Variants in TPO observed in about 807,000 individuals in gnomAD.
The protein encoded by TPO is thyroid microsomal antigen.
A neutral mutation model predicts 96.9 loss-of-function variants in TPO; 78 were observed. That is an observed-to-expected ratio of 0.81 (90% CI 0.67 to 0.97). TPO has a LOEUF of 0.97. Among genes scored for constraint, TPO ranks in the 50% least tolerant of loss-of-function variants. TPO has a pLI of 0.00. For missense variants in TPO, 1,252 were observed against 1,274.8 expected, an observed-to-expected ratio of 0.98 and a Z score of 0.27; for synonymous variants, 547 against 538.0, an observed-to-expected ratio of 1.02 and a Z score of -0.23.
chr2:1,391,707 G>A (rs1662002929), intron 1 of TPO, among the ~76,000 whole-genome samples: 2 of 152,128 alleles, frequency 1.3e-5, no homozygotes, highest in African/African-American at 2.4e-5. Flanking sequence ...GTAGTTTGTA[G>A]TTCTCCTTGA....
At chr2:1,508,097 GT>G (rs1244634130) in intron 14 of TPO, among the ~76,000 whole-genome samples, 229 of 152,082 alleles carry the variant, frequency 1.5e-3, no homozygotes, top group African/African-American at 5.3e-3. Context: ...AGCATGAAGG[GT>G]TGTTGAATTT....
rs1375748914 is a variant in TPO at position 1,385,628 on chromosome 2, C to G, written n.180+11226C>G. 2.0e-5 allele frequency among the ~76,000 whole-genome samples: 3 copies of G among 151,522 alleles called. No individual in the cohort carries two copies. In the East Asian group the frequency reaches 5.8e-4, roughly 30 times the overall value. On this transcript the variant is annotated intron_variant and non_coding_transcript_variant, in intron 1 of 5. Transcript: ENST00000497517. ...CTTCTTTATTAGTCTTGCTAGCGGT[C>G]TATCAATTTTGTTGATCTTTTCAAA...
intron 10 of TPO, among the ~76,000 whole-genome samples, chr2:1,489,989 C>T (rs1173748988): frequency 8.5e-6 from 1 of 118,296 alleles, no homozygotes; most frequent in Non-Finnish European, 1.9e-5. Flanking sequence ...CAGGGGGAGT[C>T]ACGACACAGC....
At chr2:1,472,789 C>G (rs1445622508) in intron 7 of TPO, among the ~76,000 whole-genome samples, 1 of 100,408 alleles carries the variant, frequency 1.0e-5, no homozygotes, top group Non-Finnish European at 1.9e-5. Flanking sequence ...CTGGCAACAG[C>G]CTTGTTTTTT....
intron 1 of TPO, among the ~76,000 whole-genome samples, chr2:1,377,827 A>C (rs1346861127): frequency 6.6e-6 from 1 of 151,872 alleles, no homozygotes; most frequent in East Asian, 1.9e-4. Context: ...TCTCGACTTC[A>C]CCCCCAGCTC....
intron 1 of TPO, among the ~76,000 whole-genome samples, chr2:1,401,578 C>T (rs1662173219): frequency 6.6e-6 from 1 of 152,138 alleles, no homozygotes; most frequent in Non-Finnish European, 1.5e-5. Flanking sequence ...GCTACAGCCC[C>T]ATAGCTCCCC....
At chr2:1,405,752 AG>A (rs146387434) in intron 1 of TPO, among the ~76,000 whole-genome samples, 3,844 of 152,334 alleles carry the variant, frequency 0.025, 118 homozygotes, top group East Asian at 0.081. Flanking sequence ...AAAGTTAGGA[AG>A]AACATCTTAT....
At chr2:1,444,982 T>C (rs574959550) in intron 5 of TPO, among the ~76,000 whole-genome samples, 1 of 24,372 alleles carries the variant, frequency 4.1e-5, no homozygotes. Flanking sequence ...AGGCTCCTTC[T>C]TGTTTGTATG....
intron 5 of TPO, among the ~76,000 whole-genome samples, chr2:1,446,346 C>T (rs1008779734): frequency 1.3e-5 from 2 of 152,156 alleles, no homozygotes; most frequent in Non-Finnish European, 2.9e-5. Flanking sequence ...AGACACTCAT[C>T]GTTACAGGGC....
intron 7 of TPO, among the ~76,000 whole-genome samples, chr2:1,462,987 C>A (rs1328913469): frequency 6.6e-6 from 1 of 152,190 alleles, no homozygotes. Context: ...TGTCACTTTT[C>A]TTATTTCAAA....
intron 1 of TPO, among the ~76,000 whole-genome samples, chr2:1,406,576 C>T (rs1662253624): frequency 6.6e-6 from 1 of 152,256 alleles, no homozygotes; most frequent in Non-Finnish European, 1.5e-5. Context: ...TCTTGCTGGC[C>T]ATGGCTCTGC....
chr2:1,513,487 TG>T (rs1447677176), intron 14 of TPO: 4 of 152,244 alleles, frequency 2.6e-5, no homozygotes, highest in African/African-American at 9.6e-5. Context: ...AGATGAGGCA[TG>T]GCTGTGAGAG....
At chr2:1,497,292 G>C (rs970248817) in intron 13 of TPO, among the ~76,000 whole-genome samples, 3 of 152,204 alleles carry the variant, frequency 2.0e-5, no homozygotes, top group Non-Finnish European at 4.4e-5. Flanking sequence ...CTTTCAGGCC[G>C]CAAGGCAAGA....
At chr2:1,425,719 C>T (rs115164159) in intron 3 of TPO, among the ~76,000 whole-genome samples, 22 of 152,150 alleles carry the variant, frequency 1.4e-4, no homozygotes, top group Middle Eastern at 3.4e-3. Flanking sequence ...ATTTTCTATC[C>T]TCAGAAGTCT....
intron 5 of TPO, among the ~76,000 whole-genome samples, chr2:1,439,868 C>G (rs1665969629): frequency 6.6e-6 from 1 of 152,164 alleles, no homozygotes; most frequent in South Asian, 2.1e-4. Context: ...TGCACCTGTG[C>G]CCAAGAACCA....
chr2:1,518,073 C>A (rs1211081428), intron 15 of TPO, among the ~76,000 whole-genome samples: 1 of 152,188 alleles, frequency 6.6e-6, no homozygotes, highest in Non-Finnish European at 1.5e-5. Context: ...CCAGCACCAC[C>A]CCATACCACA....
intron 15 of TPO, among the ~76,000 whole-genome samples, chr2:1,536,714 G>A (rs1335781681): frequency 1.1e-5 from 1 of 94,648 alleles, no homozygotes; most frequent in Non-Finnish European, 1.9e-5. Flanking sequence ...CCAAATGTAT[G>A]CAACCTCCTC....
At chr2:1,378,964 G>C (rs1661764527) in intron 1 of TPO, among the ~76,000 whole-genome samples, 1 of 152,156 alleles carries the variant, frequency 6.6e-6, no homozygotes, top group Non-Finnish European at 1.5e-5. Context: ...ATCAGTTCCA[G>C]CACTTGGCAT....
intron 15 of TPO, among the ~76,000 whole-genome samples, chr2:1,521,924 A>G (rs1198806097): frequency 1.3e-5 from 2 of 151,984 alleles, no homozygotes; most frequent in Non-Finnish European, 2.9e-5. Flanking sequence ...TCCAGTTTCC[A>G]GCCCAGAACC....
Sources: allele counts gnomAD v4.1 joint callset (sites outside exome capture counted in the v4.1 genomes callset), GRCh38; gene constraint gnomAD v4.1.1; transcripts MANE v1.5; gene names NCBI Gene and HGNC (gene_info 2026-07-23, HGNC 2026-07-21).